MACROD2: variants seen among roughly 807,000 people sequenced by gnomAD.
MACROD2 encodes the protein ADP-ribose glycohydrolase MACROD2.
MACROD2 carries 36 observed loss-of-function variants against 70.4 expected under a neutral mutation model. The ratio of observed to expected loss-of-function variants is 0.51; its 90% confidence interval spans 0.39 to 0.68. MACROD2 has a LOEUF of 0.68. Ranked by LOEUF, MACROD2 falls within the 30% of genes least tolerant of loss-of-function variation. The pLI, the probability that MACROD2 is intolerant of heterozygous loss-of-function variation, is 0.00. For synonymous variants in MACROD2, 172 were observed against 178.8 expected (o/e 0.96, Z 0.30); for missense variants, 496 against 538.4 (o/e 0.92, Z 0.78).
At chr20:15,874,412 T>A (rs1272382109) in intron 9 of MACROD2, among the ~76,000 whole-genome samples, 1 of 152,118 alleles carries the variant, frequency 6.6e-6, no homozygotes, top group Non-Finnish European at 1.5e-5. Flanking sequence ...TGATTTATAA[T>A]CCTTTGGGTA....
At chr20:14,028,466 G>A (rs767130161) in intron 2 of MACROD2, among the ~76,000 whole-genome samples, 6 of 152,022 alleles carry the variant, frequency 3.9e-5, no homozygotes, top group Non-Finnish European at 8.8e-5. Flanking sequence ...CGCCACTGGG[G>A]TATGAAAAAA....
intron 5 of MACROD2, among the ~76,000 whole-genome samples, chr20:14,864,839 G>A (rs932226594): frequency 5.3e-5 from 8 of 152,106 alleles, no homozygotes; most frequent in Non-Finnish European, 1.0e-4. Context: ...TGTGCTATCA[G>A]TGTCAATGTA....
chr20:15,723,610 G>A (rs11906604), intron 8 of MACROD2, among the ~76,000 whole-genome samples: 4,870 of 152,132 alleles, frequency 0.032, 242 homozygotes, highest in African/African-American at 0.11. Context: ...GTCTTCTCGT[G>A]GCTTGGTAGC....
intron 3 of MACROD2, among the ~76,000 whole-genome samples, chr20:14,200,985 A>G (rs1490189449): frequency 7.0e-6 from 1 of 143,424 alleles, no homozygotes; most frequent in Non-Finnish European, 1.5e-5. Context: ...TTTTTGGACT[A>G]TTCCTTTTTA....
intron 4 of MACROD2, among the ~76,000 whole-genome samples, chr20:14,508,623 C>T (rs554682439): frequency 1.3e-4 from 20 of 152,130 alleles, no homozygotes; most frequent in Non-Finnish European, 2.1e-4. Context: ...TTCCAGGCAC[C>T]GTTCTAGGTA....
At chr20:14,427,484 A>G (rs1165171509) in intron 3 of MACROD2, among the ~76,000 whole-genome samples, 1 of 151,094 alleles carries the variant, frequency 6.6e-6, no homozygotes, top group African/African-American at 2.4e-5. Context: ...TATTAGATCA[A>G]TATATCTAGT....
intron 5 of MACROD2, among the ~76,000 whole-genome samples, chr20:15,052,022 A>G (rs1240152350): frequency 2.0e-5 from 3 of 152,132 alleles, no homozygotes; most frequent in Non-Finnish European, 4.4e-5. Context: ...AAGTGCTGGG[A>G]TCACAGGTGT....
chr20:14,184,531 G>A (rs1168046210), intron 3 of MACROD2, among the ~76,000 whole-genome samples: 1 of 151,286 alleles, frequency 6.6e-6, no homozygotes, highest in African/African-American at 2.4e-5. Flanking sequence ...GGTTCCATAT[G>A]AATTTTAAAA....
chr20:14,620,620 G>T (rs1983774155), intron 4 of MACROD2, among the ~76,000 whole-genome samples: 1 of 152,050 alleles, frequency 6.6e-6, no homozygotes, highest in Admixed American at 6.6e-5. Flanking sequence ...AGTGGTAGGG[G>T]TGCTGGTGTT....
intron 3 of MACROD2, among the ~76,000 whole-genome samples, chr20:14,119,159 ATT>A (rs1181793101): frequency 0.092 from 5,180 of 56,542 alleles, 109 homozygotes; most frequent in East Asian, 0.24. Flanking sequence ...AATGACTGTG[ATT>A]TTTTTTTTTT....
chr20:15,267,014 T>C (rs2077301370), intron 6 of MACROD2, among the ~76,000 whole-genome samples: 1 of 152,032 alleles, frequency 6.6e-6, no homozygotes, highest in Non-Finnish European at 1.5e-5. Flanking sequence ...TTAGTAGGAG[T>C]GGAGAGAAAC....
chr20:14,485,842 AATT>A (rs1188077379), intron 3 of MACROD2, among the ~76,000 whole-genome samples: 1 of 151,580 alleles, frequency 6.6e-6, no homozygotes, highest in African/African-American at 2.4e-5. Flanking sequence ...ATATAAATAT[AATT>A]TATTATACTT....
At chr20:15,400,194 A>C (rs929726735) in intron 6 of MACROD2, among the ~76,000 whole-genome samples, 1 of 152,246 alleles carries the variant, frequency 6.6e-6, no homozygotes, top group African/African-American at 2.4e-5. Flanking sequence ...TAAAATATAA[A>C]TAGATTTTCT....
intron 5 of MACROD2, among the ~76,000 whole-genome samples, chr20:15,206,721 G>GTTTTTGTTTTTTTT (rs2076707240): frequency 3.0e-5 from 1 of 32,990 alleles, no homozygotes; most frequent in Non-Finnish European, 5.1e-5. Context: ...TATTATCTAT[G>GTTTTTGTTTTTTTT]TTTTTTTTTT....
chr20:15,249,045 C>A (rs2077130905), intron 6 of MACROD2, among the ~76,000 whole-genome samples: 2 of 152,094 alleles, frequency 1.3e-5, no homozygotes, highest in Admixed American at 1.3e-4. Context: ...AACTGGGGCA[C>A]AGTTTAGCTG....
chr20:14,687,035 T>A (rs190339602), intron 5 of MACROD2, among the ~76,000 whole-genome samples: 1 of 152,296 alleles, frequency 6.6e-6, no homozygotes, highest in East Asian at 1.9e-4. Context: ...AATCATATAG[T>A]GCTATTTTTA....
At chr20:14,829,126 C>CTTT (rs1254567095) in intron 5 of MACROD2, among the ~76,000 whole-genome samples, 1 of 127,148 alleles carries the variant, frequency 7.9e-6, no homozygotes, top group Non-Finnish European at 1.7e-5. Flanking sequence ...TGTTGCAGAA[C>CTTT]TATTTTTTTT....
chr20:14,219,936 G>A (rs115851199), intron 3 of MACROD2, among the ~76,000 whole-genome samples: 34 of 152,096 alleles, frequency 2.2e-4, no homozygotes, highest in African/African-American at 5.3e-4. Context: ...GTGGCGGGGT[G>A]GGGGGTGCAA....
chr20:15,472,700 T>C (rs557069202), intron 7 of MACROD2, among the ~76,000 whole-genome samples: 1 of 152,312 alleles, frequency 6.6e-6, no homozygotes, highest in South Asian at 2.1e-4. Context: ...AAGTTTATTC[T>C]ATTTCCTATC....
Sources: allele counts gnomAD v4.1 joint callset (sites outside exome capture counted in the v4.1 genomes callset), GRCh38; gene constraint gnomAD v4.1.1; transcripts MANE v1.5; gene names NCBI Gene and HGNC (gene_info 2026-07-23, HGNC 2026-07-21).